Variants in INTS4 observed in about 807,000 individuals in gnomAD.
The protein encoded by INTS4 is MSTP093.
INTS4 carries 70 observed loss-of-function variants against 119.5 expected under a neutral mutation model. The observed-to-expected ratio is 0.59, with a 90% CI of 0.48 to 0.71. The LOEUF (loss-of-function observed/expected upper bound fraction) is 0.71. INTS4 is among the 30% of genes least tolerant of loss of function. INTS4 has a pLI of 0.00. For synonymous variants in INTS4, 316 were observed against 419.6 expected (o/e 0.75, Z 3.02); for missense variants, 867 against 1,173.2 (o/e 0.74, Z 3.81).
At chr11:77,895,479 C>A (rs1267707120) in intron 18 of INTS4, among the ~76,000 whole-genome samples, 1 of 109,994 alleles carries the variant, frequency 9.1e-6, no homozygotes, top group African/African-American at 3.6e-5. Flanking sequence ...GGGTAGATGG[C>A]AAATGGAAAC....
chr11:77,994,504 G>T, intron 1 of INTS4, 86 bp downstream of exon 1: 1 of 1,038,126 alleles, frequency 9.6e-7, no homozygotes, highest in Non-Finnish European at 1.5e-6. Context: ...GGCGTATGGA[G>T]CCTCTTCTGT....
rs148175971 is a variant in INTS4 at position 77,961,041 on chromosome 11, C to T, written c.569G>A (p.Gly190Asp). The T allele has an allele frequency of 5.0e-6, 8 of 1,613,076 alleles. No individual in the cohort carries two copies. The highest frequency in any genetic ancestry group is 5.9e-6 in the Non-Finnish European group (7 of 1,179,808). The change falls in exon 5 of 23, where the codon GGC (glycine) becomes GAC (aspartate). Residue 190 changes from glycine (G) to aspartate (D), a missense_variant. Gly to Asp is a moderately conservative substitution (Grantham distance 94). This residue lies in a region of INTS4 where 224 missense variants were observed against 231.8 expected (regional missense o/e 0.97). Coordinates refer to ENST00000534064, the MANE Select transcript of INTS4 (RefSeq NM_033547.4). ...CTTCTGGACATCTCTGGCAGCTAGG[C>T]CTTCTGCATCTTTTGTGACACTTTT... ...LEKSVTKDAE[G>D]LAARDVQKII...
intron 10 of INTS4, among the ~76,000 whole-genome samples, chr11:77,931,315 C>A (rs1202246566): frequency 6.6e-6 from 1 of 152,196 alleles, no homozygotes; most frequent in Non-Finnish European, 1.5e-5. Context: ...CTAGAGTGAA[C>A]AGCCAGTGAA....
chr11:77,920,535 C>G (rs1953332569), intron 14 of INTS4, among the ~76,000 whole-genome samples: 1 of 151,848 alleles, frequency 6.6e-6, no homozygotes, highest in African/African-American at 2.4e-5. Flanking sequence ...TGTGGAGAAT[C>G]ATAGCTATAT....
intron 15 of INTS4, among the ~76,000 whole-genome samples, chr11:77,916,217 C>T (rs1173760990): frequency 3.3e-5 from 5 of 152,204 alleles, no homozygotes; most frequent in African/African-American, 7.2e-5. Context: ...TGTTGTTTAA[C>T]GATGGAGATA....
chr11:77,903,839 C>A (rs760564856), intron 16 of INTS4, among the ~76,000 whole-genome samples: 3 of 152,072 alleles, frequency 2.0e-5, no homozygotes, highest in Non-Finnish European at 4.4e-5. Context: ...AATTCTTGGC[C>A]CAAAGGCTCT....
intron 11 of INTS4, among the ~76,000 whole-genome samples, chr11:77,925,926 C>T (rs1196782368): frequency 1.3e-5 from 2 of 152,232 alleles, no homozygotes; most frequent in Non-Finnish European, 2.9e-5. Context: ...TCAACTTGAA[C>T]ATCATCTCCT....
At chr11:77,887,898 A>G (rs1952087138) in intron 21 of INTS4, among the ~76,000 whole-genome samples, 1 of 152,226 alleles carries the variant, frequency 6.6e-6, no homozygotes, top group African/African-American at 2.4e-5. Context: ...GGAGAACTAC[A>G]AACCACTGCT....
At chr11:77,904,221 CT>C (rs1221685261) in intron 16 of INTS4, among the ~76,000 whole-genome samples, 1 of 152,176 alleles carries the variant, frequency 6.6e-6, no homozygotes, top group Non-Finnish European at 1.5e-5. Context: ...GTGACAGCCT[CT>C]TATTTTCTCA....
At chr11:77,986,246 C>A (rs576608978) in intron 2 of INTS4, among the ~76,000 whole-genome samples, 1 of 152,182 alleles carries the variant, frequency 6.6e-6, no homozygotes, top group Non-Finnish European at 1.5e-5. Context: ...AAAATGCTCA[C>A]CATCACTGGT....
At chr11:77,957,164 A>T (rs1469926342) in intron 7 of INTS4, among the ~76,000 whole-genome samples, 4 of 152,084 alleles carry the variant, frequency 2.6e-5, no homozygotes, top group Non-Finnish European at 5.9e-5. Flanking sequence ...AACTCCTGAG[A>T]TCAAGCAATC....
At chr11:77,962,428 C>A (rs1186546946) in intron 4 of INTS4, among the ~76,000 whole-genome samples, 1 of 152,156 alleles carries the variant, frequency 6.6e-6, no homozygotes, top group Non-Finnish European at 1.5e-5. Context: ...CCTCTCACCA[C>A]GAATTTTAAT....
chr11:77,948,680 AGAAG>A (rs1954110988), intron 8 of INTS4, among the ~76,000 whole-genome samples: 1 of 40,252 alleles, frequency 2.5e-5, no homozygotes. Context: ...AAAAAAAAAA[AGAAG>A]AAGAAGAAGA....
chr11:77,886,043 A>C (rs1591003372), intron 21 of INTS4, among the ~76,000 whole-genome samples: 1 of 151,798 alleles, frequency 6.6e-6, no homozygotes, highest in East Asian at 1.9e-4. Context: ...ATCTCCACAC[A>C]AAAAAAATTA....
In INTS4 at chr11:77,891,376, C is replaced by T. The variant is rs1280162707; in HGVS notation, c.2535G>A (p.Leu845=). The T allele has an allele frequency of 1.9e-6, 3 of 1,611,714 alleles. No individual in the cohort carries two copies. The South Asian group carries it at 3.3e-5, about 18-fold the overall frequency. ...LRFTSGLVVA[L]DVDATLEHVQ... is the part of the protein sequence containing the mutation. ...CATGCTCCAGGGTTGCATCAACATC[C>T]AGGGCAACCACCAACCCAGAGGTAA... The change falls in exon 21 of 23, where the codon CTG becomes CTA. Residue 845 remains leucine, a synonymous_variant. Transcript: ENST00000534064.
At chr11:77,964,640 CA>C (rs1337269862) in intron 4 of INTS4, among the ~76,000 whole-genome samples, 1 of 148,782 alleles carries the variant, frequency 6.7e-6, no homozygotes, top group Non-Finnish European at 1.5e-5. Flanking sequence ...ATTTAAACTT[CA>C]AAAAATAATG....
At chr11:77,981,190 C>G (rs922293509) in intron 3 of INTS4, among the ~76,000 whole-genome samples, 1 of 88,862 alleles carries the variant, frequency 1.1e-5, no homozygotes, top group Non-Finnish European at 2.3e-5. Context: ...AACAAACAAG[C>G]AAAAAAAAAA....
chr11:77,928,647 A>G, intron 10 of INTS4, 100 bp from the exon 11 acceptor site: 11 of 1,494,778 alleles, frequency 7.4e-6, no homozygotes, highest in Non-Finnish European at 9.0e-6. Context: ...AGATCACTTG[A>G]GCCCGCCTAT....
chr11:77,915,117 T>C, intron 15 of INTS4: 1 of 171,982 alleles, frequency 5.8e-6, no homozygotes, highest in Non-Finnish European at 1.3e-5. Context: ...TGCAAAGCAG[T>C]GATATGTGTG....
Sources: gnomAD v4.1 joint callset for allele counts (sites outside exome capture counted in the v4.1 genomes callset) on GRCh38, gnomAD v4.1.1 for gene constraint, gnomAD v4.1.1 regional missense constraint, MANE v1.5 for transcripts, NCBI Gene and HGNC (gene_info 2026-07-23, HGNC 2026-07-21) for gene names.